BANK1: variants seen among roughly 807,000 people sequenced by gnomAD.
The protein encoded by BANK1 is B cell scaffold protein with ankyrin repeats 1, also known as B-cell scaffold protein with ankyrin repeats.
BANK1 carries 95 observed loss-of-function variants against 94.5 expected under a neutral mutation model. The observed-to-expected ratio is 1.00, with a 90% CI of 0.85 to 1.19. The LOEUF is 1.19. BANK1 is among the 50% of genes most tolerant of loss of function. The probability of loss-of-function intolerance (pLI) is 0.00; values close to 1 mark genes in which losing one functional copy is unlikely to be tolerated. For missense variants in BANK1, 987 were observed against 932.2 expected (o/e 1.06, Z -0.77); for synonymous variants, 334 against 308.4 (o/e 1.08, Z -0.87).
chr4:101,795,477 C>A (rs911562410), intron 1 of BANK1, among the ~76,000 whole-genome samples: 1 of 151,968 alleles, frequency 6.6e-6, no homozygotes, highest in Admixed American at 6.6e-5. Context: ...TCTATAAAAT[C>A]ATTGAAATGG....
intron 13 of BANK1, among the ~76,000 whole-genome samples, chr4:102,069,901 G>A (rs993859378): frequency 6.6e-6 from 1 of 152,006 alleles, no homozygotes; most frequent in Non-Finnish European, 1.5e-5. Context: ...CAGACACAAA[G>A]GAATACTACA....
Position 101,806,591 on chromosome 4 carries a change from A to G in BANK1, c.70+15641A>G, listed in dbSNP as rs148539755. The stretch of plus-strand genomic sequence containing the variant: ...ATGCCTAGGAGAGGCAATATTATGT[A>G]TATTGATACTCACATTAATTATCCA... On this transcript the variant is annotated intron_variant, in intron 1 of 16. Transcript: ENST00000322953. Among the ~76,000 whole-genome samples, 7 of 152,318 alleles carry G rather than the reference A, an allele frequency of 4.6e-5. No individual in the cohort carries two copies. The East Asian group carries it at 1.2e-3, about 25-fold the overall frequency.
chr4:101,996,372 C>G (rs1202150004), intron 7 of BANK1, among the ~76,000 whole-genome samples: 1 of 152,158 alleles, frequency 6.6e-6, no homozygotes, highest in African/African-American at 2.4e-5. Context: ...ATGCCTCCAG[C>G]TTTGTTCTTT....
intron 1 of BANK1, among the ~76,000 whole-genome samples, chr4:101,798,986 T>C (rs1263890222): frequency 6.6e-5 from 10 of 152,358 alleles, no homozygotes; most frequent in African/African-American, 2.2e-4. Context: ...TTTGTCAATT[T>C]TGGCTTTTGT....
At chr4:101,814,365 T>C (rs1394486810) in intron 1 of BANK1, among the ~76,000 whole-genome samples, 1 of 152,158 alleles carries the variant, frequency 6.6e-6, no homozygotes, top group Non-Finnish European at 1.5e-5. Flanking sequence ...CTTACTGTCT[T>C]TTTTCCACCA....
intron 4 of BANK1, 70 bp from the exon 5 acceptor site, chr4:101,870,435 C>T (rs1728239032): frequency 7.6e-7 from 1 of 1,317,724 alleles, no homozygotes; most frequent in Admixed American, 2.6e-5. Context: ...CTTTTATATT[C>T]TCTAAAAGAT....
chr4:101,943,833 G>A (rs1170839011), intron 7 of BANK1, among the ~76,000 whole-genome samples: 1 of 151,792 alleles, frequency 6.6e-6, no homozygotes, highest in Non-Finnish European at 1.5e-5. Context: ...AAACTATACT[G>A]CCCGATTTTC....
chr4:101,950,957 A>T (rs886286840), intron 7 of BANK1, among the ~76,000 whole-genome samples: 2 of 152,148 alleles, frequency 1.3e-5, no homozygotes, highest in Non-Finnish European at 2.9e-5. Flanking sequence ...ACACTGTGAA[A>T]GTCATCAAAG....
chr4:102,071,563 T>A (rs1411463375), intron 14 of BANK1, among the ~76,000 whole-genome samples: 2 of 152,212 alleles, frequency 1.3e-5, no homozygotes, highest in Non-Finnish European at 2.9e-5. Context: ...CTCAACTTAC[T>A]AATTGTGACC....
At chr4:101,922,765 T>C (rs1256857112) in intron 7 of BANK1, among the ~76,000 whole-genome samples, 1 of 151,840 alleles carries the variant, frequency 6.6e-6, no homozygotes, top group East Asian at 1.9e-4. Flanking sequence ...TCTGTTAGAA[T>C]TGAAGAAACT....
chr4:101,823,516 A>G (rs910083673), intron 1 of BANK1, among the ~76,000 whole-genome samples: 2 of 152,170 alleles, frequency 1.3e-5, no homozygotes, highest in Non-Finnish European at 2.9e-5. Context: ...GAATTTTTTC[A>G]GTTGGTACTT....
chr4:101,912,774 G>A (rs573124355), intron 6 of BANK1, among the ~76,000 whole-genome samples: 13 of 151,728 alleles, frequency 8.6e-5, no homozygotes, highest in South Asian at 4.2e-4. Context: ...TTCCAAAGGC[G>A]TCTTAAGTTC....
chr4:101,973,141 T>C (rs1430450212), intron 7 of BANK1, among the ~76,000 whole-genome samples: 3 of 151,974 alleles, frequency 2.0e-5, no homozygotes, highest in African/African-American at 7.2e-5. Context: ...AGAGACTAAA[T>C]TTCAAATGCT....
intron 7 of BANK1, among the ~76,000 whole-genome samples, chr4:101,989,346 G>A (rs569834349): frequency 3.4e-5 from 5 of 148,128 alleles, no homozygotes; most frequent in South Asian, 4.2e-4. Context: ...CAGGAGAATC[G>A]CTTGAACCCA....
chr4:101,985,402 G>C (rs1012167174), intron 7 of BANK1, among the ~76,000 whole-genome samples: 3 of 151,930 alleles, frequency 2.0e-5, no homozygotes, highest in African/African-American at 7.3e-5. Context: ...CCAACTATCT[G>C]GGCACCATGT....
At chr4:101,881,251 A>T (rs1728665124) in intron 5 of BANK1, among the ~76,000 whole-genome samples, 1 of 152,052 alleles carries the variant, frequency 6.6e-6, no homozygotes, top group Non-Finnish European at 1.5e-5. Flanking sequence ...AATCCAGTTT[A>T]AAAAAACAAG....
rs374016335 is a variant in BANK1 at position 101,792,464 on chromosome 4, TGTG to T, written c.70+1515_70+1517del. Reference sequence around the variant, plus strand: ...GTTTGTGTGTGTGTGTGTGTGTGTGTGTGTGTTTTTTTTTTTTTAATGAAGAGC... The same window carrying T: ...GTTTGTGTGTGTGTGTGTGTGTGTGTTGTTTTTTTTTTTTTAATGAAGAGC... On this transcript the variant is annotated intron_variant, in intron 1 of 16. Coordinates refer to ENST00000322953, the MANE Select transcript of BANK1 (RefSeq NM_017935.5). Among the ~76,000 whole-genome samples, 54 of 97,694 alleles carry T rather than the reference TGTG, an allele frequency of 5.5e-4. 1 individual carries two copies. The highest frequency in any genetic ancestry group is 6.8e-3 in the Middle Eastern group (1 of 146). The allele number at this position is 97,694 out of a possible 152,430, so 64.1% of individuals were successfully genotyped here. A position where few individuals can be genotyped will look rare whatever the true frequency, so the allele number is the denominator to read the frequency against.
intron 7 of BANK1, among the ~76,000 whole-genome samples, chr4:101,919,389 G>A (rs1425375582): frequency 1.3e-5 from 2 of 151,946 alleles, no homozygotes; most frequent in Non-Finnish European, 2.9e-5. Flanking sequence ...GCTTTTGACA[G>A]ATTCAACCCC....
intron 5 of BANK1, among the ~76,000 whole-genome samples, chr4:101,875,107 G>T (rs528083330): frequency 6.6e-6 from 1 of 152,086 alleles, no homozygotes; most frequent in East Asian, 1.9e-4. Flanking sequence ...TAAAGAATCT[G>T]GTTTAACGTT....
Sources: gnomAD v4.1 joint callset for allele counts (sites outside exome capture counted in the v4.1 genomes callset) on GRCh38, gnomAD v4.1.1 for gene constraint, MANE v1.5 for transcripts, NCBI Gene and HGNC (gene_info 2026-07-23, HGNC 2026-07-21) for gene names.